The following UBR2 variants were observed in gnomAD, a reference collection of about 807,000 sequenced individuals.
UBR2 encodes ubiquitin protein ligase E3 component n-recognin 2, also known as E3 ubiquitin-protein ligase UBR2.
Under a neutral mutation model 247.9 loss-of-function variants are expected in UBR2, and 92 were observed. That is an observed-to-expected ratio of 0.37 (90% CI 0.31 to 0.44). UBR2 has a LOEUF of 0.44. Ranked by LOEUF, UBR2 falls within the 20% of genes least tolerant of loss-of-function variation. UBR2 has a pLI of 1.00. For missense variants in UBR2, 1,613 were observed against 2,112.6 expected, an observed-to-expected ratio of 0.76 and a Z score of 4.64; for synonymous variants, 672 against 693.5, an observed-to-expected ratio of 0.97 and a Z score of 0.49.
rs1362190013 is a variant in UBR2 at position 42,690,678 on chromosome 6, CTG to C, written c.5127-353_5127-352del. ...TATAATTCTTCTTTTGTGTTCTCCTCTGCCCTCTTCCCTTTTTACACGTTACC... is the reference window on the plus strand; with the variant it reads ...TATAATTCTTCTTTTGTGTTCTCCTCCCCTCTTCCCTTTTTACACGTTACC... On this transcript the variant is annotated intron_variant, in intron 46 of 46. Coordinates refer to ENST00000372901, the MANE Select transcript of UBR2 (RefSeq NM_001363705.2). 2.6e-5 allele frequency among the ~76,000 whole-genome samples: 4 copies of C among 152,238 alleles called. No homozygotes were observed. The South Asian group carries it at 8.3e-4, about 32-fold the overall frequency.
chr6:42,609,070 A>G (rs1042264662), intron 7 of UBR2, among the ~76,000 whole-genome samples: 1 of 152,254 alleles, frequency 6.6e-6, no homozygotes, highest in African/African-American at 2.4e-5. Flanking sequence ...CAGAAAATCT[A>G]GCTGGTCAAT....
intron 11 of UBR2, chr6:42,620,494 G>GTTTTTTTTTTTT (rs1282900841): frequency 3.1e-5 from 3 of 97,024 alleles, no homozygotes; most frequent in African/African-American, 1.1e-4. Flanking sequence ...TTTTTTTTTT[G>GTTTTTTTTTTTT]TTTTTGTTTT....
chr6:42,672,180 A>C (rs1241180552), intron 36 of UBR2, among the ~76,000 whole-genome samples: 1 of 152,032 alleles, frequency 6.6e-6, no homozygotes, highest in Non-Finnish European at 1.5e-5. Context: ...TTACAGGTGC[A>C]TGCCACCGTG....
chr6:42,591,316 A>G (rs1792645309), intron 2 of UBR2, among the ~76,000 whole-genome samples: 1 of 152,200 alleles, frequency 6.6e-6, no homozygotes, highest in African/African-American at 2.4e-5. Context: ...TAGCCCATCT[A>G]CTAGCACCCT....
intron 3 of UBR2, 28 bp downstream of exon 3, chr6:42,592,257 C>T (rs762549931): frequency 3.1e-5 from 45 of 1,430,930 alleles, no homozygotes; most frequent in Middle Eastern, 3.7e-4. Flanking sequence ...AATAACCATG[C>T]GCAGTATTGC....
chr6:42,678,976 G>T (rs1252910236), intron 41 of UBR2, among the ~76,000 whole-genome samples: 3 of 152,190 alleles, frequency 2.0e-5, no homozygotes, highest in African/African-American at 2.4e-5. Context: ...CATAAACAAG[G>T]TTCCTCAGAT....
In UBR2 at chr6:42,652,608, A is replaced by C. The variant is rs1281694313; in HGVS notation, c.2732A>C (p.His911Pro). 1 of 1,613,562 alleles carries C rather than the reference A, an allele frequency of 6.2e-7. No individual in the cohort carries two copies. Among genetic ancestry groups the C allele is most frequent in the Non-Finnish European group, 8.5e-7 (1 of 1,179,898 alleles). ...ACAATTCTGCAATGGGCTGTGGAAC[A>C]TAATGGATATGCCTGGTCAGAGTCC... Reference protein sequence around the residue: ...MGTILQWAVEHNGYAWSESML... With the variant: ...MGTILQWAVEPNGYAWSESML... The change falls in exon 25 of 47, where the codon CAT becomes CCT. Residue 911 changes from histidine to proline, a missense_variant. Coordinates refer to ENST00000372901, the MANE Select transcript of UBR2 (RefSeq NM_001363705.2).
At chr6:42,565,555 TGTTGTTG>T (rs1790730346) in intron 1 of UBR2, among the ~76,000 whole-genome samples, 1 of 152,138 alleles carries the variant, frequency 6.6e-6, no homozygotes, top group South Asian at 2.1e-4. Flanking sequence ...GGGTGTGTTT[TGTTGTTG>T]TTTGTTTTTG....
chr6:42,581,563 G>A (rs1791905867), intron 2 of UBR2, among the ~76,000 whole-genome samples: 1 of 152,160 alleles, frequency 6.6e-6, no homozygotes, highest in Non-Finnish European at 1.5e-5. Context: ...CTGGGGTCAA[G>A]TGATGCTCTC....
rs780592152 is a variant in UBR2 at position 42,564,317 on chromosome 6, A to G, written c.-3A>G. The G allele has an allele frequency of 6.2e-7, 1 of 1,609,402 alleles. No individual in the cohort carries two copies. The highest frequency in any genetic ancestry group is 8.5e-7 in the Non-Finnish European group (1 of 1,178,362). On this transcript the variant is annotated 5_prime_UTR_variant, in exon 1 of 47. Coordinates refer to ENST00000372901, the MANE Select transcript of UBR2 (RefSeq NM_001363705.2). ...GTAGCGCTGGGGAGGAGGAGGAGAG[A>G]AGATGGCGTCGGAGCTAGAGCCAGA...
At chr6:42,578,419 C>T (rs1319762491) in intron 2 of UBR2, among the ~76,000 whole-genome samples, 1 of 151,956 alleles carries the variant, frequency 6.6e-6, no homozygotes, top group Non-Finnish European at 1.5e-5. Flanking sequence ...CAGAATAGGT[C>T]GGGAAAGTGT....
At chr6:42,670,364 C>T in intron 35 of UBR2, 124 bp downstream of exon 35, 1 of 1,257,554 alleles carries the variant, frequency 8.0e-7, no homozygotes, top group Middle Eastern at 2.5e-4. Context: ...AATAAAAAGA[C>T]TTAGAAGCAA....
chr6:42,575,094 G>A (rs907844204), intron 2 of UBR2, among the ~76,000 whole-genome samples: 3 of 152,162 alleles, frequency 2.0e-5, no homozygotes, highest in Non-Finnish European at 4.4e-5. Context: ...CATATACTGA[G>A]CTAAATTTTC....
chr6:42,624,529 A>G (rs554575776), intron 11 of UBR2, among the ~76,000 whole-genome samples: 5 of 152,154 alleles, frequency 3.3e-5, no homozygotes, highest in Admixed American at 6.5e-5. Context: ...ACGGCATTGC[A>G]GTACAGAAAG....
intron 5 of UBR2, among the ~76,000 whole-genome samples, chr6:42,604,412 T>G (rs1453443281): frequency 6.6e-6 from 1 of 152,188 alleles, no homozygotes. Flanking sequence ...GTTTCTTTTT[T>G]GCTTTCTCAA....
Position 42,600,082 on chromosome 6 carries a change from G to C in UBR2, c.532-3506G>C, listed in dbSNP as rs141617675. Among the ~76,000 whole-genome samples, 26 of 152,256 alleles carry C rather than the reference G, an allele frequency of 1.7e-4. No individual in the cohort carries two copies. The East Asian group carries it at 3.3e-3, about 19-fold the overall frequency. On this transcript the variant is annotated intron_variant, in intron 4 of 46. Transcript: ENST00000372901. The stretch of plus-strand genomic sequence containing the variant: ...TTATTTCTATATTTTTAGTTGGGCA[G>C]TATGGAGAAAATCCTCATTCATACC...
chr6:42,685,961 T>C (rs1243470952), intron 44 of UBR2, among the ~76,000 whole-genome samples: 1 of 152,194 alleles, frequency 6.6e-6, no homozygotes, highest in Non-Finnish European at 1.5e-5. Flanking sequence ...CTCTGTTGCC[T>C]CTTTCTCCTC....
intron 2 of UBR2, among the ~76,000 whole-genome samples, chr6:42,589,430 TTTG>T (rs1792513641): frequency 6.6e-6 from 1 of 152,224 alleles, no homozygotes; most frequent in African/African-American, 2.4e-5. Context: ...TTGCTAATAC[TTTG>T]TTATTTTCAT....
intron 1 of UBR2, among the ~76,000 whole-genome samples, chr6:42,572,693 C>T (rs1791238876): frequency 6.6e-6 from 1 of 151,730 alleles, no homozygotes; most frequent in Admixed American, 6.6e-5. Context: ...GTTCAGTTAA[C>T]TGCATTCTAG....
Sources: gnomAD v4.1 joint callset for allele counts (sites outside exome capture counted in the v4.1 genomes callset) on GRCh38, gnomAD v4.1.1 for gene constraint, MANE v1.5 for transcripts, NCBI Gene and HGNC (gene_info 2026-07-23, HGNC 2026-07-21) for gene names.